The following NKAIN2 variants were observed in gnomAD, a reference collection of about 807,000 sequenced individuals.
The protein encoded by NKAIN2 is sodium/potassium-transporting ATPase subunit beta-1-interacting protein 2.
In NKAIN2, 14 loss-of-function variants were observed where a neutral mutation model predicts 32.6. The ratio of observed to expected loss-of-function variants is 0.43; its 90% confidence interval spans 0.28 to 0.67. The LOEUF is 0.67. Ranked by LOEUF, NKAIN2 falls within the 30% of genes least tolerant of loss-of-function variation. The probability of loss-of-function intolerance (pLI) is 0.17; values close to 1 mark genes in which losing one functional copy is unlikely to be tolerated. For synonymous variants in NKAIN2, 80 were observed against 87.2 expected (o/e 0.92, Z 0.46); for missense variants, 198 against 258.3 (o/e 0.77, Z 1.60).
intron 3 of NKAIN2, among the ~76,000 whole-genome samples, chr6:124,619,804 A>G (rs919814662): frequency 4.6e-5 from 7 of 152,200 alleles, no homozygotes; most frequent in African/African-American, 9.6e-5. Flanking sequence ...ATGAAAAACT[A>G]TCTTTCTGTT....
intron 3 of NKAIN2, among the ~76,000 whole-genome samples, chr6:124,436,841 A>G (rs1215491305): frequency 6.6e-6 from 1 of 152,130 alleles, no homozygotes; most frequent in Non-Finnish European, 1.5e-5. Flanking sequence ...AACACCCTCA[A>G]TCAAGAGGCT....
chr6:123,887,516 G>A (rs1330766048), intron 1 of NKAIN2, among the ~76,000 whole-genome samples: 1 of 152,086 alleles, frequency 6.6e-6, no homozygotes, highest in East Asian at 1.9e-4. Flanking sequence ...AAAGCAGGTC[G>A]AGCTGTGTCC....
intron 1 of NKAIN2, among the ~76,000 whole-genome samples, chr6:124,241,595 T>C (rs930812452): frequency 1.3e-5 from 2 of 152,134 alleles, no homozygotes; most frequent in Non-Finnish European, 2.9e-5. Context: ...GCCACACATC[T>C]ACAACCATCT....
intron 4 of NKAIN2, among the ~76,000 whole-genome samples, chr6:124,694,178 G>A (rs928838515): frequency 4.7e-5 from 7 of 148,622 alleles, no homozygotes; most frequent in South Asian, 2.2e-4. Context: ...TATATTTACT[G>A]AGCATTATCT....
At chr6:124,426,436 G>C (rs1401123768) in intron 3 of NKAIN2, among the ~76,000 whole-genome samples, 4 of 151,988 alleles carry the variant, frequency 2.6e-5, no homozygotes, top group Non-Finnish European at 5.9e-5. Context: ...TCATGTATCT[G>C]GTAAGTTACT....
At chr6:123,843,777 A>G (rs1774978466) in intron 1 of NKAIN2, among the ~76,000 whole-genome samples, 1 of 152,082 alleles carries the variant, frequency 6.6e-6, no homozygotes, top group Non-Finnish European at 1.5e-5. Context: ...TGGCGACGCA[A>G]GTTATGGGAG....
chr6:123,959,820 GT>G (rs1777759590), intron 1 of NKAIN2, among the ~76,000 whole-genome samples: 2 of 151,564 alleles, frequency 1.3e-5, no homozygotes, highest in Non-Finnish European at 1.5e-5. Context: ...GTATATGGGG[GT>G]GGGGGGTACA....
At position 124,823,184 on chromosome 6, in the gene NKAIN2, T is replaced by TC. The variant is rs34892885; in HGVS notation, c.618-31dup. ...GGTGAGCAGCAGGCACCTGTCACTT[T>TC]CCCCCTTGACTAAAAACATCTTTTC... On this transcript the variant is annotated intron_variant, in intron 6 of 6. Transcript: ENST00000368417. 9 of 1,485,082 alleles carry TC rather than the reference T, an allele frequency of 6.1e-6. No individual in the cohort carries two copies. The Admixed American group carries it at 1.3e-4, about 22-fold the overall frequency. 92.0% of individuals were successfully genotyped at this position (1,485,082 alleles called of 1,614,324 possible).
intron 4 of NKAIN2, among the ~76,000 whole-genome samples, chr6:124,785,577 C>G (rs1490278431): frequency 6.6e-6 from 1 of 152,090 alleles, no homozygotes; most frequent in Non-Finnish European, 1.5e-5. Flanking sequence ...GGGATGCTGA[C>G]TTATTTCTGC....
intron 1 of NKAIN2, among the ~76,000 whole-genome samples, chr6:123,810,329 A>G (rs1463131890): frequency 6.6e-6 from 1 of 151,524 alleles, no homozygotes; most frequent in Non-Finnish European, 1.5e-5. Context: ...TTTTTTCTTA[A>G]AGAAAGTAAG....
intron 2 of NKAIN2, among the ~76,000 whole-genome samples, chr6:124,296,534 T>G (rs1334684917): frequency 6.6e-6 from 1 of 152,162 alleles, no homozygotes; most frequent in Non-Finnish European, 1.5e-5. Context: ...AATAATTTCA[T>G]AAAATGAGGT....
intron 1 of NKAIN2, among the ~76,000 whole-genome samples, chr6:123,889,105 T>C (rs757376281): frequency 6.6e-6 from 1 of 152,172 alleles, no homozygotes; most frequent in Non-Finnish European, 1.5e-5. Context: ...TTGAAAGTGA[T>C]GCTTGACCTG....
chr6:124,683,406 T>C (rs373487027), intron 4 of NKAIN2, among the ~76,000 whole-genome samples: 3 of 152,194 alleles, frequency 2.0e-5, no homozygotes, highest in East Asian at 3.9e-4. Context: ...CTTAAATTCC[T>C]ACATTATTTC....
intron 1 of NKAIN2, among the ~76,000 whole-genome samples, chr6:124,038,303 C>T (rs1022223229): frequency 1.1e-4 from 16 of 151,946 alleles, no homozygotes; most frequent in African/African-American, 3.6e-4. Context: ...CAACCTCTGC[C>T]TCCAGGGTTC....
intron 3 of NKAIN2, among the ~76,000 whole-genome samples, chr6:124,546,850 C>T (rs564114526): frequency 4.1e-4 from 62 of 152,242 alleles, no homozygotes; most frequent in African/African-American, 1.5e-3. Context: ...AAGAACATCT[C>T]AGGCAGAGAG....
chr6:124,360,144 G>C (rs1377700076), intron 3 of NKAIN2, among the ~76,000 whole-genome samples: 1 of 152,126 alleles, frequency 6.6e-6, no homozygotes, highest in Non-Finnish European at 1.5e-5. Flanking sequence ...TGGTGGATAA[G>C]CTTTTTGATG....
chr6:124,749,208 G>A (rs1347064397), intron 4 of NKAIN2, among the ~76,000 whole-genome samples: 1 of 151,854 alleles, frequency 6.6e-6, no homozygotes, highest in East Asian at 1.9e-4. Flanking sequence ...TCCAGCAACA[G>A]CTAGTGGAGA....
intron 4 of NKAIN2, among the ~76,000 whole-genome samples, chr6:124,694,409 A>G (rs1406668564): frequency 6.6e-6 from 1 of 152,228 alleles, no homozygotes; most frequent in East Asian, 1.9e-4. Context: ...AGTGTTATTT[A>G]CCAATTGGAA....
intron 1 of NKAIN2, among the ~76,000 whole-genome samples, chr6:124,142,510 C>T (rs1267100930): frequency 1.3e-5 from 2 of 152,168 alleles, no homozygotes; most frequent in African/African-American, 4.8e-5. Context: ...ACTTTGACAT[C>T]TCTTCCTGAA....
Sources: allele counts gnomAD v4.1 joint callset (sites outside exome capture counted in the v4.1 genomes callset), GRCh38; gene constraint gnomAD v4.1.1; transcripts MANE v1.5; gene names NCBI Gene and HGNC (gene_info 2026-07-23, HGNC 2026-07-21).